The following PARD3B variants were observed in gnomAD, a reference collection of about 807,000 sequenced individuals.
The protein encoded by PARD3B is partitioning defective 3 homolog B.
A neutral mutation model predicts 130.2 loss-of-function variants in PARD3B; 103 were observed. That is an observed-to-expected ratio of 0.79 (90% CI 0.67 to 0.93). The LOEUF (loss-of-function observed/expected upper bound fraction) is 0.93. PARD3B is among the 40% of genes least tolerant of loss of function. PARD3B has a pLI of 0.00. For missense variants in PARD3B, 1,609 were observed against 1,499.2 expected (o/e 1.07, Z -1.21); for synonymous variants, 583 against 553.2 (o/e 1.05, Z -0.76).
At chr2:204,757,113 C>T (rs1308156283) in intron 2 of PARD3B, among the ~76,000 whole-genome samples, 7 of 152,070 alleles carry the variant, frequency 4.6e-5, no homozygotes, top group African/African-American at 1.7e-4. Context: ...TATGGCTGTG[C>T]AGTATTCCAT....
chr2:205,470,812 G>T lies in PARD3B; in HGVS notation c.3045-29084G>T, dbSNP rs1386724667. 6.6e-6 allele frequency among the ~76,000 whole-genome samples: 1 copy of T among 152,184 alleles called. No individual in the cohort carries two copies. The highest frequency in any genetic ancestry group is 1.5e-5 in the Non-Finnish European group (1 of 68,030). ...ACTCTATTAGGAAAAATTCTATGGAGTTTACAATAGAATCATAGGGAAGCT... is the reference window on the plus strand; with the variant it reads ...ACTCTATTAGGAAAAATTCTATGGATTTTACAATAGAATCATAGGGAAGCT... On this transcript the variant is annotated intron_variant, in intron 20 of 22. Transcript: ENST00000406610. This position sits in a 1 kb window ranked among gnomAD's most constrained non-coding sequence, Gnocchi z 4.8.
intron 20 of PARD3B, among the ~76,000 whole-genome samples, chr2:205,466,155 G>A (rs1306125668): frequency 2.0e-5 from 3 of 152,132 alleles, no homozygotes; most frequent in African/African-American, 7.2e-5. Flanking sequence ...GCTGGTCCAG[G>A]GACCACACTG....
chr2:204,923,276 T>A (rs577444510), intron 2 of PARD3B, among the ~76,000 whole-genome samples: 3 of 152,160 alleles, frequency 2.0e-5, no homozygotes, highest in East Asian at 3.9e-4. Context: ...AAAATAAATT[T>A]AAAAAAATAA....
chr2:205,454,457 A>G (rs547399810), intron 20 of PARD3B, among the ~76,000 whole-genome samples: 4 of 152,224 alleles, frequency 2.6e-5, no homozygotes, highest in Non-Finnish European at 4.4e-5. Flanking sequence ...TTTAATATTT[A>G]TATGCTGTGA....
Position 205,405,022 on chromosome 2 carries a change from A to G in PARD3B, c.2741+3899A>G, listed in dbSNP as rs775680778. Among the ~76,000 whole-genome samples the G allele has an allele frequency of 1.3e-5, 2 of 152,078 alleles. No homozygotes were observed. Among genetic ancestry groups the G allele is most frequent in the South Asian group, 2.1e-4 (1 of 4,824 alleles). On this transcript the variant is annotated intron_variant, in intron 19 of 22. Transcript: ENST00000406610. This position sits in a 1 kb window ranked among gnomAD's most constrained non-coding sequence, Gnocchi z 4.1. Reference sequence around the variant, plus strand: ...ATCTAATTTTTTTGTGCTGATTTTCATATCTCATTTTAAGTTATCTACATA... The same window carrying G: ...ATCTAATTTTTTTGTGCTGATTTTCGTATCTCATTTTAAGTTATCTACATA...
At chr2:204,915,541 TTA>T (rs1368096236) in intron 2 of PARD3B, among the ~76,000 whole-genome samples, 1 of 152,170 alleles carries the variant, frequency 6.6e-6, no homozygotes, top group Non-Finnish European at 1.5e-5. Context: ...ATTTTCAGAG[TTA>T]TATGTGACAA....
At chr2:205,052,419 GTATATATATA>G (rs869192541) in intron 4 of PARD3B, among the ~76,000 whole-genome samples, 1 of 39,764 alleles carries the variant, frequency 2.5e-5, no homozygotes, top group African/African-American at 9.3e-5. Context: ...ATATATATAT[GTATATATATA>G]TATATATATA....
intron 1 of PARD3B, among the ~76,000 whole-genome samples, chr2:204,661,547 T>C (rs1004954805): frequency 2.6e-5 from 4 of 152,202 alleles, no homozygotes; most frequent in Admixed American, 6.5e-5. Flanking sequence ...TACTCTGCTA[T>C]AGGGGTTTTC....
At chr2:204,982,745 A>G (rs757083583) in intron 3 of PARD3B, among the ~76,000 whole-genome samples, 2 of 152,232 alleles carry the variant, frequency 1.3e-5, no homozygotes, top group Non-Finnish European at 2.9e-5. Flanking sequence ...TAGATAATGG[A>G]TAAAAGTTCA....
chr2:205,286,995 A>G (rs1484622541), intron 16 of PARD3B, among the ~76,000 whole-genome samples: 2 of 152,180 alleles, frequency 1.3e-5, no homozygotes, highest in African/African-American at 2.4e-5. Flanking sequence ...AGGTGAGCAA[A>G]CCAATGTAAT....
intron 18 of PARD3B, among the ~76,000 whole-genome samples, chr2:205,355,646 G>A (rs1432356342): frequency 1.3e-5 from 2 of 152,080 alleles, no homozygotes; most frequent in African/African-American, 2.4e-5. Context: ...GAAGATATTG[G>A]TTTTCTTCCA....
Position 204,545,990 on chromosome 2 carries a change from G to T in PARD3B, c.-10G>T. Reference sequence around the variant, plus strand: ...TTCGGCCCGGCCCGGCGTGGTCGCCGGGGGCCAGGATGAAAGTGACCGTGT... The same window carrying T: ...TTCGGCCCGGCCCGGCGTGGTCGCCTGGGGCCAGGATGAAAGTGACCGTGT... On this transcript the variant is annotated 5_prime_UTR_variant, in exon 1 of 23. Coordinates refer to ENST00000406610, the MANE Select transcript of PARD3B (RefSeq NM_001302769.2). 1 of 1,554,576 alleles carries T rather than the reference G, an allele frequency of 6.4e-7. No individual in the cohort carries two copies. Among genetic ancestry groups the T allele is most frequent in the Non-Finnish European group, 8.7e-7 (1 of 1,149,664 alleles).
intron 20 of PARD3B, among the ~76,000 whole-genome samples, chr2:205,469,451 T>G (rs1239415601): frequency 6.6e-6 from 1 of 152,180 alleles, no homozygotes; most frequent in Non-Finnish European, 1.5e-5. Flanking sequence ...TTCCTGTTCT[T>G]CAGCAGGAGG....
chr2:205,469,077 T>G (rs1161883363), intron 20 of PARD3B, among the ~76,000 whole-genome samples: 2 of 152,086 alleles, frequency 1.3e-5, no homozygotes, highest in Non-Finnish European at 2.9e-5. Context: ...TAGCACAGAA[T>G]GATCACAGTG....
chr2:205,028,423 C>T (rs12992107), intron 3 of PARD3B, among the ~76,000 whole-genome samples: 13,795 of 152,150 alleles, frequency 0.091, 1,011 homozygotes, highest in Admixed American at 0.25. Flanking sequence ...CAACTCATAA[C>T]AAATTAGGTA....
chr2:204,707,671 G>A (rs1458782325), intron 2 of PARD3B, among the ~76,000 whole-genome samples: 2 of 152,048 alleles, frequency 1.3e-5, no homozygotes, highest in African/African-American at 4.8e-5. Context: ...ATTGCAATAA[G>A]CCCTTTTTCA....
intron 22 of PARD3B, among the ~76,000 whole-genome samples, chr2:205,574,037 G>A (rs149102860): frequency 4.6e-5 from 7 of 152,194 alleles, no homozygotes; most frequent in East Asian, 3.9e-4. Context: ...CAGCTTCACC[G>A]CAGAATAGCA....
intron 4 of PARD3B, among the ~76,000 whole-genome samples, chr2:205,066,819 T>C (rs1383138548): frequency 6.6e-6 from 1 of 152,174 alleles, no homozygotes; most frequent in Non-Finnish European, 1.5e-5. Context: ...ATTTAAATCA[T>C]CAAGTTATTT....
intron 10 of PARD3B, among the ~76,000 whole-genome samples, chr2:205,148,784 G>T (rs1336818048): frequency 2.6e-5 from 4 of 151,950 alleles, no homozygotes; most frequent in Admixed American, 1.3e-4. Flanking sequence ...CAAAATGATT[G>T]CATGTGAAAC....
Sources: gnomAD v4.1 joint callset for allele counts (sites outside exome capture counted in the v4.1 genomes callset) on GRCh38, gnomAD v4.1.1 for gene constraint, Gnocchi (gnomAD v3.1) non-coding constraint, MANE v1.5 for transcripts, NCBI Gene and HGNC (gene_info 2026-07-23, HGNC 2026-07-21) for gene names.